The following PCGF3 variants were observed in gnomAD, a reference collection of about 807,000 sequenced individuals.
The protein encoded by PCGF3 is polycomb group ring finger 3, also known as polycomb group RING finger protein 3.
A neutral mutation model predicts 33.1 loss-of-function variants in PCGF3; 7 were observed. That is an observed-to-expected ratio of 0.21 (90% confidence interval 0.12 to 0.40). The LOEUF is 0.40. Ranked by LOEUF, PCGF3 falls within the 10% of genes least tolerant of loss-of-function variation. The pLI, the probability that PCGF3 is intolerant of heterozygous loss-of-function variation, is 1.00. For missense variants in PCGF3, 211 were observed against 313.3 expected (o/e 0.67, Z 2.46); for synonymous variants, 153 against 121.3 (o/e 1.26, Z -1.72).
chr4:721,402 C>T lies in PCGF3; in HGVS notation c.-189-9228C>T, dbSNP rs568563829. Among the ~76,000 whole-genome samples the T allele has an allele frequency of 6.6e-6, 1 of 152,106 alleles. No individual in the cohort carries two copies. Among genetic ancestry groups the T allele is most frequent in the Admixed American group, 6.5e-5 (1 of 15,282 alleles). ...GCATGGGCTTGTGATGCCGGCTCTT[C>T]CTCCTGGCAGAGCTCCCCAGAGGAA... On this transcript the variant is annotated intron_variant, in intron 1 of 10. Coordinates refer to ENST00000362003, the Ensembl canonical transcript of PCGF3. The surrounding 1 kb of genome is among the most constrained non-coding windows in gnomAD (Gnocchi z 4.1).
rs1342209154 is a variant in PCGF3, at chr4:721,751, G to C, written c.-189-8879G>C. Among the ~76,000 whole-genome samples the C allele has an allele frequency of 2.0e-5, 2 of 102,402 alleles. No individual in the cohort carries two copies. Among genetic ancestry groups the C allele is most frequent in the African/African-American group, 5.7e-5 (2 of 35,240 alleles). The allele number at this position is 102,402 out of a possible 152,430, so 67.2% of individuals were successfully genotyped here. On this transcript the variant is annotated intron_variant, in intron 1 of 10. Coordinates refer to ENST00000362003, the Ensembl canonical transcript of PCGF3. The surrounding 1 kb of genome is among the most constrained non-coding windows in gnomAD (Gnocchi z 4.1). The stretch of plus-strand genomic sequence containing the variant: ...GTGTCTCTGTGTATGGGCATGGGGA[G>C]GGGCCTGTGGGAGGTGGATGGGTTG...
At chr4:750,858 T>C (rs1744480013) in intron 8 of PCGF3, among the ~76,000 whole-genome samples, 1 of 152,016 alleles carries the variant, frequency 6.6e-6, no homozygotes, top group Admixed American at 6.6e-5. Flanking sequence ...TCTTTTTTCC[T>C]GTTCAGTGTG....
intron 8 of PCGF3, among the ~76,000 whole-genome samples, chr4:753,776 C>T (rs186331036): frequency 8.5e-5 from 13 of 152,114 alleles, no homozygotes; most frequent in Non-Finnish European, 1.8e-4. Context: ...GGTGAAACCC[C>T]GTCTCTACTA....
intron 6 of PCGF3, among the ~76,000 whole-genome samples, chr4:738,784 G>A (rs1188447251): frequency 1.3e-5 from 2 of 152,144 alleles, no homozygotes; most frequent in South Asian, 2.1e-4. Flanking sequence ...GCTTGAACCC[G>A]GGAGGCAGAG....
At chr4:760,189 G>A (rs532741907) in intron 8 of PCGF3, among the ~76,000 whole-genome samples, 24 of 152,318 alleles carry the variant, frequency 1.6e-4, no homozygotes, top group African/African-American at 5.8e-4. Context: ...GGATTCTTTT[G>A]CTTCCTGAAT....
At chr4:711,709 G>A (rs1242208158) in intron 1 of PCGF3, among the ~76,000 whole-genome samples, 8 of 151,332 alleles carry the variant, frequency 5.3e-5, no homozygotes, top group Admixed American at 2.6e-4. Flanking sequence ...CACCCGCCTC[G>A]GCCTCCCAAA....
intron 1 of PCGF3, among the ~76,000 whole-genome samples, chr4:716,001 G>A (rs1303170163): frequency 8.4e-5 from 11 of 131,250 alleles, no homozygotes; most frequent in South Asian, 2.7e-4. Flanking sequence ...ACTGGGCGTC[G>A]GTGCTGGGAC....
Position 761,199 on chromosome 4 carries a change from G to A in PCGF3, c.463-80G>A. On this transcript the variant is annotated intron_variant, in intron 8 of 10. Transcript: ENST00000362003. ...TCAGCAGTCCTAGATTGAGGAATTA[G>A]TGAAATATGTCTAAGGAAGCCTCCA... The A allele has an allele frequency of 1.6e-6, 2 of 1,243,526 alleles. 1 individual carries two copies. The highest frequency in any genetic ancestry group is 3.4e-5 in the South Asian group (2 of 58,394). 77.0% of individuals were successfully genotyped at this position (1,243,526 alleles called of 1,614,324 possible). A position where few individuals can be genotyped will look rare whatever the true frequency, so the allele number is the denominator to read the frequency against.
chr4:749,445 T>C (rs1206655200), intron 8 of PCGF3, among the ~76,000 whole-genome samples: 3 of 149,262 alleles, frequency 2.0e-5, no homozygotes, highest in Non-Finnish European at 4.4e-5. Flanking sequence ...ATTACAGGCA[T>C]GAGCCACCAT....
chr4:755,195 T>G (rs1189949893), intron 8 of PCGF3, among the ~76,000 whole-genome samples: 1 of 152,244 alleles, frequency 6.6e-6, no homozygotes, highest in Non-Finnish European at 1.5e-5. Flanking sequence ...TTTTTACACT[T>G]AATTTCCCAT....
chr4:714,526 C>T (rs1042637430), intron 1 of PCGF3, among the ~76,000 whole-genome samples: 1 of 152,240 alleles, frequency 6.6e-6, no homozygotes, highest in African/African-American at 2.4e-5. Context: ...GGCCGCCTTA[C>T]CTCTTCCCAG....
chr4:734,581 C>T (rs766387921), intron 4 of PCGF3: 1 of 1,163,160 alleles, frequency 8.6e-7, no homozygotes, highest in Non-Finnish European at 1.1e-6. Flanking sequence ...AAGATACTGT[C>T]ATCTTTTAGG....
intron 1 of PCGF3, among the ~76,000 whole-genome samples, chr4:706,578 C>T (rs1742315758): frequency 7.3e-6 from 1 of 136,640 alleles, no homozygotes; most frequent in Non-Finnish European, 1.6e-5. Flanking sequence ...CCAGGCAGGA[C>T]CGCGGGAGGG....
At chr4:761,210 C>T in intron 8 of PCGF3, 69 bp from the exon 9 acceptor site, 1 of 1,364,518 alleles carries the variant, frequency 7.3e-7, no homozygotes, top group South Asian at 1.6e-5. Flanking sequence ...TGAAATATGT[C>T]TAAGGAAGCC....
Position 725,890 on chromosome 4 carries a change from CT to C in PCGF3, c.-189-4739del, listed in dbSNP as rs529786014. ...CCTGGAACCGCCTCAGTTTCCCCAG[CT>C]GGCCCCTCACTGGCCTCCCCATTTC... On this transcript the variant is annotated intron_variant, in intron 1 of 10. Transcript: ENST00000362003. Among the ~76,000 whole-genome samples, 4 of 152,318 alleles carry C rather than the reference CT, an allele frequency of 2.6e-5. No individual in the cohort carries two copies. In the South Asian group the frequency reaches 8.3e-4, roughly 32 times the overall value.
At position 759,789 on chromosome 4, in the gene PCGF3, C is replaced by T. The variant is rs1290312025; in HGVS notation, c.463-1490C>T. 5.0e-4 allele frequency among the ~76,000 whole-genome samples: 2 copies of T among 4,030 alleles called. 1 individual carries two copies. Among genetic ancestry groups the T allele is most frequent in the Non-Finnish European group, 1.2e-3 (2 of 1,662 alleles). The allele number at this position is 4,030 out of a possible 152,430, so 2.6% of individuals were successfully genotyped here. On this transcript the variant is annotated intron_variant, in intron 8 of 10. Coordinates refer to ENST00000362003, the Ensembl canonical transcript of PCGF3. ...CTCCTTCCGGACTCCGGGTCTTTCTCCCCGCGCGGCCCCTCTCCCGAGTTG... is the reference window on the plus strand; with the variant it reads ...CTCCTTCCGGACTCCGGGTCTTTCTTCCCGCGCGGCCCCTCTCCCGAGTTG...
intron 1 of PCGF3, among the ~76,000 whole-genome samples, chr4:716,431 T>G (rs1370112016): frequency 7.8e-6 from 1 of 127,930 alleles, no homozygotes; most frequent in Non-Finnish European, 1.6e-5. Context: ...GTGTGAGAAC[T>G]GGGCGTCGGT....
intron 8 of PCGF3, among the ~76,000 whole-genome samples, chr4:752,561 G>A (rs1000468936): frequency 2.0e-5 from 3 of 152,186 alleles, no homozygotes; most frequent in African/African-American, 7.2e-5. Flanking sequence ...GCGGGCAAGG[G>A]TGGGGTTTGT....
At chr4:767,728 C>T (rs1745443337) in exon 11 of PCGF3, 1 of 152,690 alleles carries the variant, frequency 6.5e-6, no homozygotes, top group South Asian at 2.1e-4. Context: ...TCATCTCTTT[C>T]TTTAAGCCCA....
Sources: gnomAD v4.1 joint callset for allele counts (sites outside exome capture counted in the v4.1 genomes callset) on GRCh38, gnomAD v4.1.1 for gene constraint, Gnocchi (gnomAD v3.1) non-coding constraint, MANE v1.5 for transcripts, NCBI Gene and HGNC (gene_info 2026-07-23, HGNC 2026-07-21) for gene names.